SCN2A: variants seen among roughly 807,000 people sequenced by gnomAD.
SCN2A encodes the protein sodium channel protein type 2 subunit alpha.
SCN2A carries 20 observed loss-of-function variants against 188.7 expected under a neutral mutation model. The observed-to-expected ratio is 0.11, with a 90% CI of 0.07 to 0.15. The LOEUF (loss-of-function observed/expected upper bound fraction) is 0.15, where lower values mean the gene tolerates loss of function less well. Ranked by LOEUF, SCN2A falls within the 10% of genes least tolerant of loss-of-function variation. The pLI is 1.00. For synonymous variants in SCN2A, 804 were observed against 833.1 expected, an observed-to-expected ratio of 0.97 and a Z score of 0.60; for missense variants, 1,278 against 2,445.0, an observed-to-expected ratio of 0.52 and a Z score of 10.07.
intron 14 of SCN2A, among the ~76,000 whole-genome samples, chr2:165,332,501 C>T (rs575403389): frequency 5.9e-5 from 9 of 152,010 alleles, no homozygotes; most frequent in South Asian, 4.2e-4. Context: ...GTCTGTATTT[C>T]GCAGTTGGGA....
chr2:165,350,464 C>CTTTTTTTTTTTTTTTTTTTTTT (rs71028479), intron 16 of SCN2A, among the ~76,000 whole-genome samples: 2 of 73,840 alleles, frequency 2.7e-5, no homozygotes, highest in African/African-American at 6.1e-5. Flanking sequence ...TGTTTTCTTT[C>CTTTTTTTTTTTTTTTTTTTTTT]TTTTTTTTTT....
intron 17 of SCN2A, among the ~76,000 whole-genome samples, chr2:165,361,440 C>CA (rs1469801916): frequency 2.6e-5 from 4 of 151,944 alleles, no homozygotes; most frequent in Non-Finnish European, 5.9e-5. Flanking sequence ...TTTGAATCAT[C>CA]AAAAAGATTC....
At chr2:165,353,822 A>T (rs775743824) in intron 16 of SCN2A, among the ~76,000 whole-genome samples, 1 of 152,150 alleles carries the variant, frequency 6.6e-6, no homozygotes, top group Non-Finnish European at 1.5e-5. Flanking sequence ...AGTGCTGGGG[A>T]TTACAATTCC....
At chr2:165,348,860 C>T (rs938644533) in intron 16 of SCN2A, among the ~76,000 whole-genome samples, 2 of 152,044 alleles carry the variant, frequency 1.3e-5, no homozygotes, top group Admixed American at 1.3e-4. Context: ...GTTGAGTGTC[C>T]TTATGATATG....
intron 1 of SCN2A, among the ~76,000 whole-genome samples, chr2:165,291,411 C>CT (rs1696126230): frequency 8.4e-6 from 1 of 119,496 alleles, no homozygotes; most frequent in Admixed American, 8.7e-5. Context: ...TTCCTTCCTT[C>CT]CTTCCTCCCT....
At chr2:165,372,527 G>A (rs1213878385) in intron 20 of SCN2A, 3 of 151,754 alleles carry the variant, frequency 2.0e-5, no homozygotes, top group Admixed American at 6.6e-5. Flanking sequence ...TATGTCCCCC[G>A]ACCGTTTTTC....
intron 17 of SCN2A, among the ~76,000 whole-genome samples, chr2:165,364,044 T>A (rs1700597336): frequency 6.6e-6 from 1 of 152,182 alleles, no homozygotes; most frequent in Non-Finnish European, 1.5e-5. Flanking sequence ...TATGCCCAAA[T>A]ATAAATATAA....
intron 1 of SCN2A, among the ~76,000 whole-genome samples, chr2:165,277,145 A>G (rs746399830): frequency 1.3e-5 from 2 of 152,170 alleles, no homozygotes; most frequent in African/African-American, 4.8e-5. Flanking sequence ...TAAGGCAATC[A>G]TAGAATCTGG....
intron 3 of SCN2A, 95 bp downstream of exon 3, chr2:165,297,230 A>G (rs1367941680): frequency 1.3e-6 from 1 of 752,874 alleles, no homozygotes; most frequent in East Asian, 2.6e-5. Context: ...TGGCAATGTT[A>G]TGTGTTCTTT....
At chr2:165,321,641 G>A (rs368842276) in intron 11 of SCN2A, among the ~76,000 whole-genome samples, 2 of 152,164 alleles carry the variant, frequency 1.3e-5, no homozygotes, top group Admixed American at 1.3e-4. Flanking sequence ...GAGAGAGTGA[G>A]AGCCAAGTGA....
At chr2:165,307,622 A>G (rs1054576177) in intron 3 of SCN2A, among the ~76,000 whole-genome samples, 1 of 152,114 alleles carries the variant, frequency 6.6e-6, no homozygotes, top group Non-Finnish European at 1.5e-5. Context: ...TAATTGCTAA[A>G]GGTACCTAAA....
chr2:165,342,482 G>A lies in SCN2A; in HGVS notation c.2562+13G>A, dbSNP rs1217158088. The A allele has an allele frequency of 1.9e-6, 3 of 1,613,566 alleles. No homozygotes were observed. The highest frequency in any genetic ancestry group is 1.7e-6 in the Non-Finnish European group (2 of 1,179,694). ...ATCATTCCGGCTGGTAAATTAACTG[G>A]GAGTGTTCATAAAATGTACTTTGTA... On this transcript the variant is annotated intron_variant, in intron 15 of 26. Transcript: ENST00000375437.
intron 11 of SCN2A, among the ~76,000 whole-genome samples, chr2:165,319,211 C>A (rs1177571472): frequency 6.6e-6 from 1 of 152,136 alleles, no homozygotes; most frequent in Non-Finnish European, 1.5e-5. Context: ...GTGGCAGGTG[C>A]CTGTAGTCCC....
chr2:165,388,666 G>A lies in SCN2A; in HGVS notation c.4860G>A (p.Val1620=), dbSNP rs369939991. ...CTGAACTGATAGAAAAGTATTTTGT[G>A]TCCCCTACCCTGTTCCGAGTGATCC... ...FLAELIEKYF[V]SPTLFRVIRL... Residue 1620 remains valine (V), a synonymous_variant, in exon 27 of 27, where the codon GTG becomes GTA. Coordinates refer to ENST00000375437, the MANE Select transcript of SCN2A (RefSeq NM_001040142.2). 4.9e-5 allele frequency: 79 copies of A among 1,613,914 alleles called. No homozygotes were observed. The African/African-American group carries it at 9.3e-4, about 19-fold the overall frequency.
At chr2:165,252,672 G>C (rs1472448158) in intron 1 of SCN2A, among the ~76,000 whole-genome samples, 4 of 151,962 alleles carry the variant, frequency 2.6e-5, no homozygotes, top group Non-Finnish European at 5.9e-5. Context: ...TTATCTTCAG[G>C]GATGATTACA....
At chr2:165,305,934 G>A (rs1269408728) in intron 3 of SCN2A, among the ~76,000 whole-genome samples, 1 of 152,120 alleles carries the variant, frequency 6.6e-6, no homozygotes, top group African/African-American at 2.4e-5. Flanking sequence ...TGTGTTGCTG[G>A]GAAAAAGCCA....
At chr2:165,250,536 C>A (rs1232253245) in intron 1 of SCN2A, among the ~76,000 whole-genome samples, 2 of 151,256 alleles carry the variant, frequency 1.3e-5, no homozygotes, top group Non-Finnish European at 3.0e-5. Flanking sequence ...CACATATACA[C>A]ACAAAAAAAA....
chr2:165,315,031 T>C (rs957052147), intron 10 of SCN2A, among the ~76,000 whole-genome samples: 2 of 152,178 alleles, frequency 1.3e-5, no homozygotes, highest in African/African-American at 4.8e-5. Flanking sequence ...ATAAAATACT[T>C]GACTGAATTA....
At chr2:165,373,002 G>C (rs1701122571) in intron 20 of SCN2A, 1 of 480,712 alleles carries the variant, frequency 2.1e-6, no homozygotes, top group Admixed American at 3.2e-5. Flanking sequence ...TCGCAGACTA[G>C]TATCATTAAC....
Sources: allele counts gnomAD v4.1 joint callset (sites outside exome capture counted in the v4.1 genomes callset), GRCh38; gene constraint gnomAD v4.1.1; transcripts MANE v1.5; gene names NCBI Gene and HGNC (gene_info 2026-07-23, HGNC 2026-07-21).